Variants in CTNND2 observed in about 807,000 individuals in gnomAD.
CTNND2 encodes catenin delta 2, also known as catenin delta-2.
CTNND2 carries 22 observed loss-of-function variants against 144.4 expected under a neutral mutation model. The ratio of observed to expected loss-of-function variants is 0.15; its 90% CI spans 0.11 to 0.22. The LOEUF is 0.22. Ranked by LOEUF, CTNND2 falls within the 10% of genes least tolerant of loss-of-function variation. CTNND2 has a pLI of 1.00. For synonymous variants in CTNND2, 751 were observed against 695.6 expected, an observed-to-expected ratio of 1.08 and a Z score of -1.25; for missense variants, 1,353 against 1,618.8, an observed-to-expected ratio of 0.84 and a Z score of 2.82.
chr5:11,395,530 G>T (rs1381738827), intron 6 of CTNND2, among the ~76,000 whole-genome samples: 1 of 152,188 alleles, frequency 6.6e-6, no homozygotes, highest in Non-Finnish European at 1.5e-5. Context: ...CTATAACTCT[G>T]ATGACTTCAG....
At chr5:11,332,501 T>G (rs967564861) in intron 9 of CTNND2, among the ~76,000 whole-genome samples, 1 of 152,100 alleles carries the variant, frequency 6.6e-6, no homozygotes, top group Admixed American at 6.5e-5. Flanking sequence ...ACATAAAATT[T>G]ACAATTTTAA....
intron 9 of CTNND2, among the ~76,000 whole-genome samples, chr5:11,283,707 G>GAA (rs1747422389): frequency 1.4e-5 from 1 of 73,734 alleles, no homozygotes. Flanking sequence ...AAAAAAAAAA[G>GAA]AGAGAGACAT....
At chr5:11,789,994 T>C (rs910263807) in intron 1 of CTNND2, among the ~76,000 whole-genome samples, 14 of 152,206 alleles carry the variant, frequency 9.2e-5, no homozygotes, top group African/African-American at 3.4e-4. Context: ...AGTATTAATG[T>C]ACTAGTTTTC....
At position 11,880,630 on chromosome 5, in the gene CTNND2, GTAC is replaced by G. The variant is rs1402878965; in HGVS notation, c.37+23184_37+23186del. On this transcript the variant is annotated intron_variant, in intron 1 of 21. Coordinates refer to ENST00000304623, the MANE Select transcript of CTNND2 (RefSeq NM_001332.4). ...ACTACTACCACTACTACTGCTACTA[GTAC>G]TACTACTACTACCACTACTACTATC... 1.2e-3 allele frequency among the ~76,000 whole-genome samples: 135 copies of G among 114,930 alleles called. 3 individuals carry two copies. Among genetic ancestry groups the G allele is most frequent in the Non-Finnish European group, 1.2e-3 (64 of 55,042 alleles). 75.4% of individuals were successfully genotyped at this position (114,930 alleles called of 152,430 possible). A position where few individuals can be genotyped will look rare whatever the true frequency, so the allele number is the denominator to read the frequency against.
chr5:11,303,126 T>G (rs1749789575), intron 9 of CTNND2, among the ~76,000 whole-genome samples: 1 of 152,218 alleles, frequency 6.6e-6, no homozygotes, highest in African/African-American at 2.4e-5. Context: ...CTCAGAAACT[T>G]CCTTTCTCTT....
intron 2 of CTNND2, among the ~76,000 whole-genome samples, chr5:11,677,310 G>A (rs939837508): frequency 2.6e-4 from 39 of 152,150 alleles, no homozygotes; most frequent in African/African-American, 9.2e-4. Context: ...AACCAATCAG[G>A]CTGTTTCTAC....
chr5:11,392,009 C>T (rs1276719236), intron 6 of CTNND2, among the ~76,000 whole-genome samples: 1 of 152,220 alleles, frequency 6.6e-6, no homozygotes, highest in Non-Finnish European at 1.5e-5. Flanking sequence ...ACAGAAACCA[C>T]CCTCGCTGCT....
chr5:11,218,649 A>G (rs2149860328), intron 10 of CTNND2, among the ~76,000 whole-genome samples: 1 of 152,310 alleles, frequency 6.6e-6, no homozygotes, highest in South Asian at 2.1e-4. Flanking sequence ...AGCTTGAACT[A>G]CGTTGAATAC....
chr5:11,777,492 T>G (rs1239410370), intron 1 of CTNND2, among the ~76,000 whole-genome samples: 1 of 152,214 alleles, frequency 6.6e-6, no homozygotes, highest in African/African-American at 2.4e-5. Flanking sequence ...CTGATTTTGT[T>G]GTTTCCAATC....
intron 3 of CTNND2, among the ~76,000 whole-genome samples, chr5:11,469,361 A>T (rs925557215): frequency 6.6e-6 from 1 of 152,194 alleles, no homozygotes; most frequent in African/African-American, 2.4e-5. Context: ...AGCCAATATC[A>T]GTTCAGTCAC....
intron 11 of CTNND2, among the ~76,000 whole-genome samples, chr5:11,171,955 T>G (rs975368189): frequency 6.6e-6 from 1 of 152,188 alleles, no homozygotes; most frequent in African/African-American, 2.4e-5. Context: ...AAATATTAAT[T>G]GAGTAAAAAA....
intron 3 of CTNND2, among the ~76,000 whole-genome samples, chr5:11,510,467 GACA>G (rs1465536085): frequency 6.6e-6 from 1 of 152,166 alleles, no homozygotes; most frequent in East Asian, 1.9e-4. Flanking sequence ...TATCACTTCT[GACA>G]ACGTTTACCT....
At chr5:11,029,776 A>G (rs1206977646) in intron 16 of CTNND2, among the ~76,000 whole-genome samples, 1 of 152,258 alleles carries the variant, frequency 6.6e-6, no homozygotes, top group Middle Eastern at 3.2e-3. Context: ...AATTATGTAG[A>G]AAACAAAAGT....
Position 10,988,121 on chromosome 5 carries a change from A to G in CTNND2, c.3333T>C (p.Asp1111=), listed in dbSNP as rs777798350. ...GAKGEHTSRK[D]AMTAQNTGIS... is the part of the protein sequence containing the mutation. ...GCGAGGGGCGCTCACCTGTCATGGC[A>G]TCTTTCCTGGAAGTGTGTTCGCCTT... Residue 1111 remains aspartate (D), a synonymous_variant, in exon 20 of 22, where the codon GAT becomes GAC. Transcript: ENST00000304623. This position sits in a 1 kb window ranked among gnomAD's most constrained non-coding sequence, Gnocchi z 5.9. The G allele has an allele frequency of 6.2e-7, 1 of 1,614,120 alleles. No homozygotes were observed. The highest frequency in any genetic ancestry group is 1.7e-5 in the Admixed American group (1 of 60,028).
intron 18 of CTNND2, among the ~76,000 whole-genome samples, chr5:11,000,241 G>A (rs1739797416): frequency 6.6e-6 from 1 of 152,236 alleles, no homozygotes; most frequent in African/African-American, 2.4e-5. Flanking sequence ...GAAATTGTGT[G>A]GCTGAGCGCA....
chr5:11,681,559 T>A (rs920107425), intron 2 of CTNND2, among the ~76,000 whole-genome samples: 1 of 152,090 alleles, frequency 6.6e-6, no homozygotes, highest in Non-Finnish European at 1.5e-5. Flanking sequence ...AAAAAAAAAA[T>A]TCTTTTTCCA....
intron 18 of CTNND2, among the ~76,000 whole-genome samples, chr5:11,006,529 A>G (rs1045906048): frequency 1.3e-5 from 2 of 152,218 alleles, no homozygotes; most frequent in African/African-American, 4.8e-5. Context: ...GAGCAAGAAA[A>G]TAAACTTTCG....
At position 11,591,347 on chromosome 5, in the gene CTNND2, T is replaced by C. The variant is rs146945802; in HGVS notation, c.175-26291A>G. ...AGAATTAAAAAGCCAGATTGATATA[T>C]CCCTCTTGTAAGAAAATTACTTTCC... On this transcript the variant is annotated intron_variant, in intron 2 of 21. Transcript: ENST00000304623. Among the ~76,000 whole-genome samples, 827 of 152,292 alleles carry C rather than the reference T, an allele frequency of 5.4e-3. 9 individuals carry two copies. The highest frequency in any genetic ancestry group is 6.8e-3 in the Middle Eastern group (2 of 294).
intron 1 of CTNND2, among the ~76,000 whole-genome samples, chr5:11,780,823 C>A (rs180900255): frequency 6.6e-6 from 1 of 152,158 alleles, no homozygotes; most frequent in Non-Finnish European, 1.5e-5. Flanking sequence ...CCAAGGCCAG[C>A]CAGCCCTGGG....
Sources: allele counts gnomAD v4.1 joint callset (sites outside exome capture counted in the v4.1 genomes callset), GRCh38; gene constraint gnomAD v4.1.1; non-coding constraint Gnocchi (gnomAD v3.1); transcripts MANE v1.5; gene names NCBI Gene and HGNC (gene_info 2026-07-23, HGNC 2026-07-21).